The following ERCC6 variants were observed in gnomAD, a reference collection of about 807,000 sequenced individuals.
ERCC6 encodes the protein DNA excision repair protein ERCC-6.
In ERCC6, 116 loss-of-function variants were observed where a neutral mutation model predicts 158.7. The observed-to-expected ratio is 0.73, with a 90% CI of 0.63 to 0.85. ERCC6 has a LOEUF of 0.85. Among genes scored for constraint, ERCC6 ranks in the 40% least tolerant of loss-of-function variants. The pLI is 0.00. For synonymous variants in ERCC6, 678 were observed against 659.3 expected, an observed-to-expected ratio of 1.03 and a Z score of -0.43; for missense variants, 1,698 against 1,799.4, an observed-to-expected ratio of 0.94 and a Z score of 1.02.
Position 49,505,922 on chromosome 10 carries a change from A to C in ERCC6, c.1488T>G (p.Gly496=). ...SEESDAEFDE[G]FKVPGFLFKK... Reference sequence around the variant, plus strand: ...TGAACAGAAAACCTGGCACTTTAAAACCTTCGTCAAATTCAGCATCACTTT... The same window carrying C: ...TGAACAGAAAACCTGGCACTTTAAACCCTTCGTCAAATTCAGCATCACTTT... The change falls in exon 6 of 21, where the codon GGT becomes GGG. Residue 496 remains glycine, a synonymous_variant. Transcript: ENST00000355832. The C allele has an allele frequency of 6.2e-7, 1 of 1,613,374 alleles. No individual in the cohort carries two copies. The highest frequency in any genetic ancestry group is 8.5e-7 in the Non-Finnish European group (1 of 1,179,572).
intron 7 of ERCC6, among the ~76,000 whole-genome samples, chr10:49,498,783 GA>G (rs1414182264): frequency 1.3e-5 from 2 of 152,176 alleles, no homozygotes; most frequent in Non-Finnish European, 2.9e-5. Flanking sequence ...ACACTGCAGG[GA>G]TGACTTTAGT....
At position 49,461,443 on chromosome 10, in the gene ERCC6, T is replaced by C. The variant is rs139188695; in HGVS notation, c.3892A>G (p.Arg1298Gly). ...CCCAGACACCGCTGACGAGAGAGCCTCAGTGCTTTCAGGGCATCCTGGGCC... is the reference window on the plus strand; with the variant it reads ...CCCAGACACCGCTGACGAGAGAGCCCCAGTGCTTTCAGGGCATCCTGGGCC... ...RVAQDALKAL[R>G]LSRQRCLGAV... is the part of the protein sequence containing the mutation. The change falls in exon 19 of 21, where the codon AGG becomes GGG. Residue 1298 changes from arginine to glycine, a missense_variant. Coordinates refer to ENST00000355832, the MANE Select transcript of ERCC6 (RefSeq NM_000124.4). The C allele has an allele frequency of 1.1e-4, 171 of 1,614,204 alleles. No homozygotes were observed. The East Asian group carries it at 3.4e-3, about 32-fold the overall frequency.
intron 6 of ERCC6, chr10:49,504,931 C>A (rs1206502910): frequency 6.6e-6 from 1 of 152,128 alleles, no homozygotes; most frequent in Non-Finnish European, 1.5e-5. Context: ...ATAATATAAG[C>A]TCTTTGAGAG....
chr10:49,474,230 G>T lies in ERCC6; in HGVS notation c.2395C>A (p.Leu799Ile). ...TTGCAAATTTTTCTTAGGGCTATAAGTCCGGAGAAAATCTGTGGTAAGAAA... is the reference window on the plus strand; with the variant it reads ...TTGCAAATTTTTCTTAGGGCTATAATTCCGGAGAAAATCTGTGGTAAGAAA... The part of the protein sequence containing the change: ...LNGEMQIFSG[L>I]IALRKICNHP... Residue 799 changes from leucine to isoleucine, a missense_variant, in exon 13 of 21, where the codon CTT becomes ATT. Transcript: ENST00000355832. 6.2e-7 allele frequency: 1 copy of T among 1,613,876 alleles called. No homozygotes were observed.
chr10:49,531,932 C>T (rs1227446065), intron 2 of ERCC6, among the ~76,000 whole-genome samples: 4 of 152,184 alleles, frequency 2.6e-5, no homozygotes, highest in African/African-American at 7.2e-5. Flanking sequence ...CTGTCCTCAC[C>T]TCCTACCCTT....
At chr10:49,473,145 G>A (rs1393251352) in intron 14 of ERCC6, 117 bp from the exon 15 acceptor site, 6 of 1,385,162 alleles carry the variant, frequency 4.3e-6, no homozygotes, top group Non-Finnish European at 6.1e-6. Context: ...TATAAGGAAT[G>A]GTAATGTCCT....
upstream of ERCC6, chr10:49,539,327 T>C (rs1837683777): frequency 6.6e-6 from 1 of 152,304 alleles, no homozygotes; most frequent in Non-Finnish European, 1.5e-5. Flanking sequence ...TTAAGACATA[T>C]TTCCACGTAG....
In ERCC6 at chr10:49,516,272, C is replaced by A. The variant is rs148032008; in HGVS notation, c.1397+7761G>T. 10 of 1,613,962 alleles carry A rather than the reference C, an allele frequency of 6.2e-6. No homozygotes were observed. The highest frequency in any genetic ancestry group is 3.3e-5 in the Admixed American group (2 of 59,984). On this transcript the variant is annotated intron_variant, in intron 5 of 20. Coordinates refer to ENST00000355832, the MANE Select transcript of ERCC6 (RefSeq NM_000124.4). ...GCTTTCCCCGAATAAATTGTTTGCA[C>A]CCGTGACGACCAAAATAAGGAACCA... is the stretch of plus-strand genomic sequence containing the variant.
chr10:49,478,032 C>T (rs1370639056), intron 11 of ERCC6, among the ~76,000 whole-genome samples: 1 of 152,198 alleles, frequency 6.6e-6, no homozygotes, highest in Admixed American at 6.5e-5. Flanking sequence ...GCTTTGTTCA[C>T]TGCTGTATCT....
intron 12 of ERCC6, among the ~76,000 whole-genome samples, chr10:49,475,137 C>T (rs1434689903): frequency 6.6e-6 from 1 of 152,176 alleles, no homozygotes; most frequent in Non-Finnish European, 1.5e-5. Context: ...ACTAGTCACA[C>T]GTGGCTACTG....
downstream of ERCC6, among the ~76,000 whole-genome samples, chr10:49,449,197 T>C (rs574500820): frequency 1.3e-5 from 2 of 152,358 alleles, no homozygotes; most frequent in Admixed American, 1.3e-4. Flanking sequence ...TATCTCATTG[T>C]GGTTTTGCTT....
chr10:49,472,965 C>A lies in ERCC6; in HGVS notation c.2773G>T (p.Gly925Trp). The change falls in exon 15 of 21, where the codon GGG becomes TGG. Residue 925 changes from glycine to tryptophan, a missense_variant. By Grantham distance (184) the Gly-to-Trp change is radical (BLOSUM62 -2). Coordinates refer to ENST00000355832, the MANE Select transcript of ERCC6 (RefSeq NM_000124.4). Reference protein sequence around the residue: ...RVGGLGVNLTGANRVVIYDPD... With the variant: ...RVGGLGVNLTWANRVVIYDPD... Reference sequence around the variant, plus strand: ...TCATAGATGACAACTCTGTTTGCCCCCGTCAGGTTGACACCTAAGCCGCCC... The same window carrying A: ...TCATAGATGACAACTCTGTTTGCCCACGTCAGGTTGACACCTAAGCCGCCC... The A allele has an allele frequency of 1.9e-6, 3 of 1,614,124 alleles. No individual in the cohort carries two copies. Among genetic ancestry groups the A allele is most frequent in the Non-Finnish European group, 2.5e-6 (3 of 1,180,008 alleles).
chr10:49,445,024 A>T, the ERCC6 span, among the ~76,000 whole-genome samples: 1 of 152,108 alleles, frequency 6.6e-6, no homozygotes, highest in Non-Finnish European at 1.5e-5. Context: ...GAGTTGATTT[A>T]AAAAAAACAA....
At chr10:49,436,664 T>C in the ERCC6 span, among the ~76,000 whole-genome samples, 1 of 152,188 alleles carries the variant, frequency 6.6e-6, no homozygotes, top group African/African-American at 2.4e-5. Context: ...AGGATACAAA[T>C]CAGCAGGATT....
chr10:49,443,197 G>A, the ERCC6 span, among the ~76,000 whole-genome samples: 1 of 152,138 alleles, frequency 6.6e-6, no homozygotes, highest in Non-Finnish European at 1.5e-5. Flanking sequence ...TAAAGATTCA[G>A]ATTTTAAAAA....
intron 5 of ERCC6, chr10:49,516,215 A>C: frequency 6.2e-7 from 1 of 1,614,234 alleles, no homozygotes; most frequent in South Asian, 1.1e-5. Flanking sequence ...GACAGGTGGC[A>C]CCACACCAAA....
chr10:49,479,109 CA>C (rs747568593), intron 10 of ERCC6, among the ~76,000 whole-genome samples: 82 of 133,674 alleles, frequency 6.1e-4, no homozygotes, highest in East Asian at 1.1e-3. Context: ...TAAATATACG[CA>C]AAAAAAAAAA....
At chr10:49,479,406 ATGTG>A (rs907821893) in intron 10 of ERCC6, among the ~76,000 whole-genome samples, 1 of 152,200 alleles carries the variant, frequency 6.6e-6, no homozygotes, top group African/African-American at 2.4e-5. Flanking sequence ...ACATATATGT[ATGTG>A]TGTGTATCTG....
At chr10:49,446,546 C>G in the ERCC6 span, among the ~76,000 whole-genome samples, 1 of 152,106 alleles carries the variant, frequency 6.6e-6, no homozygotes, top group African/African-American at 2.4e-5. Context: ...GAGGCCAAAG[C>G]AGGAGGATCA....
Sources: allele counts gnomAD v4.1 joint callset (sites outside exome capture counted in the v4.1 genomes callset), GRCh38; gene constraint gnomAD v4.1.1; transcripts MANE v1.5; gene names NCBI Gene and HGNC (gene_info 2026-07-23, HGNC 2026-07-21).